The following AKAP19 variants were observed in gnomAD, a reference collection of about 807,000 sequenced individuals.
The protein encoded by AKAP19 is small A-kinase anchoring protein.
chr2:190,079,815 A>G, the AKAP19 span: 2 of 152,164 alleles, frequency 1.3e-5, no homozygotes, highest in African/African-American at 4.8e-5. Flanking sequence ...CATCTTAAAA[A>G]AAAAAGATTT....
the AKAP19 span, among the ~76,000 whole-genome samples, chr2:190,018,951 G>A: frequency 6.6e-6 from 1 of 152,174 alleles, no homozygotes; most frequent in Non-Finnish European, 1.5e-5. Context: ...ATCGGGCAGA[G>A]CTGATGGCTG....
the AKAP19 span, among the ~76,000 whole-genome samples, chr2:190,065,867 T>C: frequency 1.3e-5 from 2 of 152,162 alleles, no homozygotes; most frequent in African/African-American, 2.4e-5. Flanking sequence ...GTTTTATTCC[T>C]TCTCCAGTGG....
chr2:190,019,155 G>A, the AKAP19 span, among the ~76,000 whole-genome samples: 1 of 152,184 alleles, frequency 6.6e-6, no homozygotes, highest in African/African-American at 2.4e-5. Flanking sequence ...CTCCCGGCCT[G>A]TGTAGGGAAT....
At chr2:189,904,870 G>T in the AKAP19 span, among the ~76,000 whole-genome samples, 1 of 151,802 alleles carries the variant, frequency 6.6e-6, no homozygotes. Flanking sequence ...AGAAATGAAG[G>T]CAAAAATACC....
the AKAP19 span, among the ~76,000 whole-genome samples, chr2:189,920,152 C>T: frequency 6.6e-6 from 1 of 152,194 alleles, no homozygotes; most frequent in African/African-American, 2.4e-5. Flanking sequence ...ACCCCACTTC[C>T]AGTATTGTAT....
chr2:190,133,415 A>G, the AKAP19 span, among the ~76,000 whole-genome samples: 3 of 152,160 alleles, frequency 2.0e-5, no homozygotes, highest in South Asian at 4.1e-4. Flanking sequence ...TAGGATGGCT[A>G]TTATCAAAAA....
the AKAP19 span, among the ~76,000 whole-genome samples, chr2:189,942,558 T>C: frequency 6.6e-6 from 1 of 152,180 alleles, no homozygotes; most frequent in Non-Finnish European, 1.5e-5. Flanking sequence ...CAGAACTAGG[T>C]AACAGGTAGA....
chr2:190,125,137 CTAAAG>C, the AKAP19 span, among the ~76,000 whole-genome samples: 1 of 152,080 alleles, frequency 6.6e-6, no homozygotes. Flanking sequence ...GGAGTACACT[CTAAAG>C]TAATGATAAA....
chr2:190,182,978 T>C, the AKAP19 span, among the ~76,000 whole-genome samples: 1 of 152,254 alleles, frequency 6.6e-6, no homozygotes, highest in African/African-American at 2.4e-5. Flanking sequence ...ATGTTAATTC[T>C]ACTTTTCAGT....
the AKAP19 span, among the ~76,000 whole-genome samples, chr2:190,131,831 C>T: frequency 6.6e-6 from 1 of 152,142 alleles, no homozygotes; most frequent in Non-Finnish European, 1.5e-5. Flanking sequence ...AAAATATCCA[C>T]ACATCTGATG....
At chr2:189,910,454 T>C in the AKAP19 span, among the ~76,000 whole-genome samples, 2 of 152,002 alleles carry the variant, frequency 1.3e-5, no homozygotes, top group Non-Finnish European at 2.9e-5. Flanking sequence ...AGAGTGAATA[T>C]GGTCAGGCCA....
the AKAP19 span, among the ~76,000 whole-genome samples, chr2:189,945,653 A>G: frequency 6.6e-6 from 1 of 152,238 alleles, no homozygotes; most frequent in Admixed American, 6.5e-5. Context: ...TGAGACCATG[A>G]GTGAAGAAAA....
the AKAP19 span, chr2:190,062,399 C>T: frequency 6.2e-7 from 1 of 1,613,392 alleles, no homozygotes; most frequent in Non-Finnish European, 8.5e-7. Flanking sequence ...GAGCTGTTTC[C>T]AGACGAAGTT....
the AKAP19 span, among the ~76,000 whole-genome samples, chr2:189,893,327 G>T: frequency 6.6e-6 from 1 of 152,174 alleles, no homozygotes; most frequent in African/African-American, 2.4e-5. Flanking sequence ...TTTTGTGCTT[G>T]AAACCCAGGG....
chr2:190,103,595 C>CAAA, the AKAP19 span, among the ~76,000 whole-genome samples: 213 of 152,060 alleles, frequency 1.4e-3, no homozygotes, highest in African/African-American at 5.1e-3. Flanking sequence ...ATAATATCCA[C>CAAA]AAAAAAATAA....
At chr2:190,089,463 TCTATGTACACCTGAAAAATGTATTCAG>T in the AKAP19 span, 1 of 152,128 alleles carries the variant, frequency 6.6e-6, no homozygotes, top group Non-Finnish European at 1.5e-5. Context: ...TTTTAAAAAT[TCTATGTACACCTGAAAAATGTATTCAG>T]CTCCTTTAGA....
the AKAP19 span, among the ~76,000 whole-genome samples, chr2:190,061,000 A>T: frequency 3.4e-4 from 51 of 152,224 alleles, no homozygotes; most frequent in African/African-American, 1.2e-3. Context: ...GATAATTAAC[A>T]CAAAAATTTT....
chr2:190,199,793 A>G, the AKAP19 span: 3 of 1,567,764 alleles, frequency 1.9e-6, no homozygotes, highest in African/African-American at 4.1e-5. Flanking sequence ...GACAAATTTC[A>G]TTGTTTTCTA....
At chr2:190,110,847 C>T in the AKAP19 span, among the ~76,000 whole-genome samples, 15 of 152,276 alleles carry the variant, frequency 9.9e-5, no homozygotes, top group Admixed American at 2.6e-4. Context: ...GAATGTCCTT[C>T]GTCTCTATTA....
Sources: allele counts gnomAD v4.1 joint callset (sites outside exome capture counted in the v4.1 genomes callset), GRCh38; gene constraint gnomAD v4.1.1; transcripts MANE v1.5; gene names NCBI Gene and HGNC (gene_info 2026-07-23, HGNC 2026-07-21).